PAX5: variants seen among roughly 807,000 people sequenced by gnomAD.
PAX5 encodes the protein paired box protein Pax-5.
A neutral mutation model predicts 43.7 loss-of-function variants in PAX5; 9 were observed. The ratio of observed to expected loss-of-function variants is 0.21; its 90% CI spans 0.12 to 0.36. The LOEUF (loss-of-function observed/expected upper bound fraction) is 0.36. PAX5 is among the 10% of genes least tolerant of loss of function. The pLI, the probability that PAX5 is intolerant of heterozygous loss-of-function variation, is 1.00. For missense variants in PAX5, 383 were observed against 532.7 expected, an observed-to-expected ratio of 0.72 and a Z score of 2.77; for synonymous variants, 228 against 214.3, an observed-to-expected ratio of 1.06 and a Z score of -0.56.
chr9:36,978,227 A>T (rs79400060), intron 5 of PAX5, among the ~76,000 whole-genome samples: 7,556 of 152,356 alleles, frequency 0.05, 226 homozygotes, highest in South Asian at 0.1. Flanking sequence ...CAAGTCCATT[A>T]CCTCATACAG....
chr9:36,970,946 G>A (rs1021228707), intron 5 of PAX5, among the ~76,000 whole-genome samples: 1 of 152,146 alleles, frequency 6.6e-6, no homozygotes, highest in Non-Finnish European at 1.5e-5. Context: ...CCTCCAAAGC[G>A]AATATCTGTG....
At chr9:36,876,794 G>A (rs1443655898) in intron 8 of PAX5, among the ~76,000 whole-genome samples, 1 of 152,202 alleles carries the variant, frequency 6.6e-6, no homozygotes, top group African/African-American at 2.4e-5. Context: ...GCAAACCCTA[G>A]AGAAGACCAG....
At chr9:36,943,689 A>C (rs1278078136) in intron 6 of PAX5, among the ~76,000 whole-genome samples, 1 of 152,164 alleles carries the variant, frequency 6.6e-6, no homozygotes, top group Non-Finnish European at 1.5e-5. Flanking sequence ...AGACACATGA[A>C]AGACTTTGAG....
intron 3 of PAX5, among the ~76,000 whole-genome samples, chr9:37,014,331 T>G (rs1839210070): frequency 6.6e-6 from 1 of 152,188 alleles, no homozygotes. Context: ...CTGTGTGAGA[T>G]TCCATGTATG....
At chr9:36,894,436 C>G (rs992215727) in intron 7 of PAX5, among the ~76,000 whole-genome samples, 1 of 152,152 alleles carries the variant, frequency 6.6e-6, no homozygotes, top group Non-Finnish European at 1.5e-5. Context: ...CCCAGACTGG[C>G]CTTCTGGATT....
At chr9:36,893,112 G>A (rs1215302786) in intron 7 of PAX5, among the ~76,000 whole-genome samples, 1 of 152,108 alleles carries the variant, frequency 6.6e-6, no homozygotes, top group Non-Finnish European at 1.5e-5. Context: ...TTAACTTTTT[G>A]AGTTAAAATT....
intron 6 of PAX5, among the ~76,000 whole-genome samples, chr9:36,950,826 C>T (rs1056427784): frequency 9.9e-5 from 15 of 151,640 alleles, no homozygotes; most frequent in African/African-American, 1.5e-4. Flanking sequence ...CTGCAACCTC[C>T]GCCTTCCAGG....
At chr9:36,961,823 T>TACACACGTGCACGCACAC (rs1398151688) in intron 6 of PAX5, among the ~76,000 whole-genome samples, 2 of 152,140 alleles carry the variant, frequency 1.3e-5, no homozygotes, top group African/African-American at 4.8e-5. Flanking sequence ...CGCACGCACA[T>TACACACGTGCACGCACAC]ACACACGTGC....
intron 6 of PAX5, among the ~76,000 whole-genome samples, chr9:36,955,527 T>C (rs568218613): frequency 4.3e-4 from 65 of 152,200 alleles, no homozygotes; most frequent in African/African-American, 1.5e-3. Flanking sequence ...TTTCATGGAA[T>C]GTGCAGCCCT....
rs565456613 is a variant in PAX5 at position 37,012,176 on chromosome 9, C to T, written c.410+2821G>A. On this transcript the variant is annotated intron_variant, in intron 3 of 9. Transcript: ENST00000358127. The stretch of plus-strand genomic sequence containing the variant: ...GAGGGCAGGCAGCCAGGCAGCAGAA[C>T]GGGCAGCCCGCGAGGATCTGAAATG... Among the ~76,000 whole-genome samples the T allele has an allele frequency of 2.4e-4, 37 of 152,244 alleles. 1 individual carries two copies. In the South Asian group the frequency reaches 7.1e-3, roughly 29 times the overall value.
intron 7 of PAX5, among the ~76,000 whole-genome samples, chr9:36,916,724 AT>A (rs1392501699): frequency 1.3e-5 from 2 of 152,020 alleles, no homozygotes; most frequent in African/African-American, 4.8e-5. Context: ...TCATTACATC[AT>A]CCAGGCTGGA....
chr9:37,003,655 T>C (rs142493511), intron 4 of PAX5, among the ~76,000 whole-genome samples: 231 of 151,954 alleles, frequency 1.5e-3, no homozygotes, highest in African/African-American at 5.2e-3. Context: ...CTGGCCAACA[T>C]AGCAAGACCT....
chr9:36,918,332 A>C (rs775663442), intron 7 of PAX5, among the ~76,000 whole-genome samples: 4 of 152,222 alleles, frequency 2.6e-5, no homozygotes, highest in Non-Finnish European at 4.4e-5. Flanking sequence ...GATAAGCCTT[A>C]TTGCTGATAT....
intron 7 of PAX5, among the ~76,000 whole-genome samples, chr9:36,906,690 C>T (rs1038006328): frequency 2.6e-5 from 4 of 152,218 alleles, no homozygotes; most frequent in African/African-American, 9.6e-5. Context: ...GACAGATCCC[C>T]CCGCAAGCTC....
chr9:36,929,432 C>T (rs1830950317), intron 6 of PAX5, among the ~76,000 whole-genome samples: 1 of 152,208 alleles, frequency 6.6e-6, no homozygotes, highest in East Asian at 1.9e-4. Context: ...CAGAGGTACA[C>T]ACGCAGTCAC....
intron 7 of PAX5, among the ~76,000 whole-genome samples, chr9:36,898,956 C>G (rs1329733103): frequency 6.6e-6 from 1 of 152,160 alleles, no homozygotes; most frequent in Admixed American, 6.5e-5. Flanking sequence ...TGCCTGGCTC[C>G]AGCCACCTCT....
chr9:37,002,827 G>A lies in PAX5; in HGVS notation c.476-51C>T. 3.2e-6 allele frequency: 5 copies of A among 1,562,062 alleles called. No individual in the cohort carries two copies. In the South Asian group the frequency reaches 4.7e-5, roughly 15 times the overall value. ...GGGCCGCAGAGGGCTGAGGGCGGCG[G>A]ACCGGCTGTCACCGCACGTGAGGCT... On this transcript the variant is annotated intron_variant, in intron 4 of 9. Transcript: ENST00000358127.
chr9:36,917,197 A>G (rs1280019506), intron 7 of PAX5, among the ~76,000 whole-genome samples: 1 of 152,238 alleles, frequency 6.6e-6, no homozygotes, highest in Non-Finnish European at 1.5e-5. Flanking sequence ...AACTCAATGC[A>G]TGCCCAGACT....
chr9:36,981,096 C>T lies in PAX5; in HGVS notation c.605-14372G>A, dbSNP rs143672697. The stretch of plus-strand genomic sequence containing the variant: ...CCCTCTCTCCGGAAACTTCCTCCCC[C>T]AGATATCTGCCTGGCTCACTCCTCC... On this transcript the variant is annotated intron_variant, in intron 5 of 9. Coordinates refer to ENST00000358127, the MANE Select transcript of PAX5 (RefSeq NM_016734.3). 4.1e-4 allele frequency among the ~76,000 whole-genome samples: 62 copies of T among 152,124 alleles called. No homozygotes were observed. In the East Asian group the frequency reaches 0.011, roughly 28 times the overall value.
Sources: gnomAD v4.1 joint callset for allele counts (sites outside exome capture counted in the v4.1 genomes callset) on GRCh38, gnomAD v4.1.1 for gene constraint, MANE v1.5 for transcripts, NCBI Gene and HGNC (gene_info 2026-07-23, HGNC 2026-07-21) for gene names.